Variants in KCNMA1 observed in about 807,000 individuals in gnomAD.
KCNMA1 encodes the protein potassium calcium-activated channel subfamily M alpha 1, also known as Calcium-activated potassium channel subunit alpha-1.
A neutral mutation model predicts 140.0 loss-of-function variants in KCNMA1; 29 were observed. The observed-to-expected ratio is 0.21, with a 90% CI of 0.15 to 0.28. KCNMA1 has a LOEUF of 0.28. Among genes scored for constraint, KCNMA1 ranks in the 10% least tolerant of loss-of-function variants. The probability of loss-of-function intolerance (pLI) is 1.00; values close to 1 mark genes in which losing one functional copy is unlikely to be tolerated. For missense variants in KCNMA1, 880 were observed against 1,602.2 expected, an observed-to-expected ratio of 0.55 and a Z score of 7.70; for synonymous variants, 612 against 611.9, an observed-to-expected ratio of 1.00 and a Z score of 0.00.
At chr10:77,234,221 T>C (rs540726102) in intron 3 of KCNMA1, among the ~76,000 whole-genome samples, 13 of 152,348 alleles carry the variant, frequency 8.5e-5, no homozygotes, top group Non-Finnish European at 1.5e-4. Flanking sequence ...AATGTTTTTA[T>C]ATTATGCCTT....
chr10:77,162,055 GCA>G (rs2098560166), intron 5 of KCNMA1, among the ~76,000 whole-genome samples: 1 of 151,930 alleles, frequency 6.6e-6, no homozygotes, highest in Non-Finnish European at 1.5e-5. Context: ...ATATCAAGAA[GCA>G]CACTGATTCT....
intron 3 of KCNMA1, chr10:77,250,690 C>T (rs554528738): frequency 5.9e-4 from 105 of 178,952 alleles, no homozygotes; most frequent in African/African-American, 1.3e-3. Flanking sequence ...GAAGCACCAG[C>T]GTGCAATGCT....
intron 5 of KCNMA1, among the ~76,000 whole-genome samples, chr10:77,156,789 A>AC (rs1162236169): frequency 1.3e-5 from 2 of 151,878 alleles, no homozygotes; most frequent in Admixed American, 1.3e-4. Flanking sequence ...CGAGTGACTG[A>AC]CCCCACCTGG....
intron 29 of KCNMA1, among the ~76,000 whole-genome samples, chr10:76,878,167 G>C (rs935922189): frequency 3.9e-5 from 6 of 152,166 alleles, no homozygotes; most frequent in African/African-American, 1.4e-4. Context: ...TTGGAGAATG[G>C]ACTCTGGCAA....
intron 2 of KCNMA1, chr10:77,350,880 C>G (rs918333499): frequency 6.6e-6 from 1 of 152,184 alleles, no homozygotes. Flanking sequence ...TCACCGGTGA[C>G]TCAGTGGTTG....
At chr10:77,468,861 C>T (rs1398287114) in intron 1 of KCNMA1, among the ~76,000 whole-genome samples, 2 of 152,154 alleles carry the variant, frequency 1.3e-5, no homozygotes, top group Non-Finnish European at 2.9e-5. Flanking sequence ...AGGTGTCCAG[C>T]AAATGTTTCT....
Position 77,636,073 on chromosome 10 carries a change from T to C in KCNMA1, c.378+1192A>G, listed in dbSNP as rs373541725. 4.9e-4 allele frequency: 217 copies of C among 441,100 alleles called. 3 individuals are homozygous for C. In the South Asian group the frequency reaches 7.9e-3, roughly 16 times the overall value. 27.3% of individuals were successfully genotyped at this position (441,100 alleles called of 1,614,324 possible). A position where few individuals can be genotyped will look rare whatever the true frequency, so the allele number is the denominator to read the frequency against. On this transcript the variant is annotated intron_variant, in intron 1 of 27. Transcript: ENST00000286628. ...AACTTTACTAGAAAAGATGTGAACA[T>C]GTGGAGGCTGCAATGTGTATCTACC...
chr10:77,453,044 T>C (rs553529999), intron 1 of KCNMA1, among the ~76,000 whole-genome samples: 18 of 152,294 alleles, frequency 1.2e-4, no homozygotes, highest in African/African-American at 3.9e-4. Context: ...AAGGCAAGCC[T>C]GGTACCCAGT....
chr10:77,086,676 C>T (rs2096698973), intron 10 of KCNMA1, 83 bp from the exon 11 acceptor site: 1 of 947,862 alleles, frequency 1.1e-6, no homozygotes, highest in African/African-American at 1.6e-5. Context: ...CTCTAATTTC[C>T]ACAGGGAGCC....
intron 1 of KCNMA1, among the ~76,000 whole-genome samples, chr10:77,559,072 CCT>C (rs2065479206): frequency 6.6e-6 from 1 of 152,166 alleles, no homozygotes; most frequent in Admixed American, 6.5e-5. Flanking sequence ...CAGCCCAGCC[CCT>C]GTCACTGGGC....
At chr10:77,180,024 C>T (rs2098790602) in intron 5 of KCNMA1, among the ~76,000 whole-genome samples, 1 of 152,194 alleles carries the variant, frequency 6.6e-6, no homozygotes, top group East Asian at 1.9e-4. Flanking sequence ...CGTTCTGGGA[C>T]AGGTAAGGGC....
intron 1 of KCNMA1, among the ~76,000 whole-genome samples, chr10:77,501,885 A>T (rs941869558): frequency 2.6e-5 from 4 of 152,206 alleles, no homozygotes; most frequent in Non-Finnish European, 5.9e-5. Flanking sequence ...GGCAGGAAAC[A>T]GTTTTTCCAC....
intron 2 of KCNMA1, among the ~76,000 whole-genome samples, chr10:77,319,267 TCAC>T (rs2154352984): frequency 6.6e-6 from 1 of 152,084 alleles, no homozygotes; most frequent in South Asian, 2.1e-4. Context: ...TCCCACCCCA[TCAC>T]CACCCCATGC....
chr10:76,943,542 T>C (rs1180197238), intron 23 of KCNMA1, among the ~76,000 whole-genome samples: 1 of 152,136 alleles, frequency 6.6e-6, no homozygotes, highest in Non-Finnish European at 1.5e-5. Context: ...GCTCATCTGA[T>C]AGAAGATTTG....
chr10:76,959,322 C>G (rs1337610095), intron 20 of KCNMA1, among the ~76,000 whole-genome samples: 2 of 152,204 alleles, frequency 1.3e-5, no homozygotes, highest in Non-Finnish European at 2.9e-5. Context: ...GGGCAGGAAA[C>G]CACCTATTTC....
At chr10:77,114,618 A>C (rs2153900244) in intron 6 of KCNMA1, among the ~76,000 whole-genome samples, 1 of 152,068 alleles carries the variant, frequency 6.6e-6, no homozygotes, top group South Asian at 2.1e-4. Flanking sequence ...ATCTAGTCAA[A>C]TTTCCCCATT....
intron 1 of KCNMA1, among the ~76,000 whole-genome samples, chr10:77,601,776 G>A (rs2082732786): frequency 6.6e-6 from 1 of 152,140 alleles, no homozygotes; most frequent in Admixed American, 6.5e-5. Context: ...GGAACCACAT[G>A]GACTTCAAGG....
rs545073914 is a variant in KCNMA1 at position 77,110,161 on chromosome 10, AT to A, written c.1131+11del. 111 of 1,600,290 alleles carry A rather than the reference AT, an allele frequency of 6.9e-5. No individual in the cohort carries two copies. The highest frequency in any genetic ancestry group is 1.7e-4 in the Middle Eastern group (1 of 6,036). ...CATCAAAATCAACATCATAATAAAGATTTTTTTTTACCAGTCCCCCGAGGAT... is the reference window on the plus strand; with the variant it reads ...CATCAAAATCAACATCATAATAAAGATTTTTTTTACCAGTCCCCCGAGGAT... On this transcript the variant is annotated intron_variant, in intron 8 of 27. Coordinates refer to ENST00000286628, the MANE Select transcript of KCNMA1 (RefSeq NM_001161352.2).
At chr10:77,432,925 G>T (rs1413121820) in intron 1 of KCNMA1, among the ~76,000 whole-genome samples, 1 of 152,118 alleles carries the variant, frequency 6.6e-6, no homozygotes, top group African/African-American at 2.4e-5. Context: ...GAGGGTGGAA[G>T]TGTTCATGAT....
Sources: gnomAD v4.1 joint callset for allele counts (sites outside exome capture counted in the v4.1 genomes callset) on GRCh38, gnomAD v4.1.1 for gene constraint, MANE v1.5 for transcripts, NCBI Gene and HGNC (gene_info 2026-07-23, HGNC 2026-07-21) for gene names.